Variants in ITGA9 observed in about 807,000 individuals in gnomAD.
The protein encoded by ITGA9 is integrin alpha-9.
ITGA9 carries 56 observed loss-of-function variants against 127.8 expected under a neutral mutation model. The ratio of observed to expected loss-of-function variants is 0.44; its 90% CI spans 0.35 to 0.55. The LOEUF (loss-of-function observed/expected upper bound fraction) is 0.55. Ranked by LOEUF, ITGA9 falls within the 20% of genes least tolerant of loss-of-function variation. ITGA9 has a pLI of 0.00. For missense variants in ITGA9, 1,196 were observed against 1,347.1 expected (o/e 0.89, Z 1.76); for synonymous variants, 508 against 514.5 (o/e 0.99, Z 0.17).
At chr3:37,535,728 C>T (rs267552) in intron 14 of ITGA9, among the ~76,000 whole-genome samples, 67,454 of 152,094 alleles carry the variant, frequency 0.44, 17,386 homozygotes, top group East Asian at 0.81. Context: ...CATCCCTTTA[C>T]ACTCTAAGGG....
chr3:37,811,054 A>C (rs1479470991), intron 27 of ITGA9, among the ~76,000 whole-genome samples: 1 of 152,200 alleles, frequency 6.6e-6, no homozygotes, highest in Non-Finnish European at 1.5e-5. Flanking sequence ...GCTCTGACAC[A>C]AAATCCACAA....
At chr3:37,505,456 C>T (rs762456545) in intron 6 of ITGA9, among the ~76,000 whole-genome samples, 20 of 152,178 alleles carry the variant, frequency 1.3e-4, no homozygotes, top group Non-Finnish European at 2.5e-4. Context: ...CTGTACTCAA[C>T]GATGTGGATG....
In ITGA9 at chr3:37,629,351, G is replaced by C; in HGVS notation, c.1839+15G>C. 1 of 1,613,764 alleles carries C rather than the reference G, an allele frequency of 6.2e-7. No homozygotes were observed. The highest frequency in any genetic ancestry group is 8.5e-7 in the Non-Finnish European group (1 of 1,179,880). ...AAAAGAATCAGGTCAGAACCTTAAA[G>C]CTCATACTCAGCACCCAAGGTGGCA... On this transcript the variant is annotated intron_variant, in intron 16 of 27. Coordinates refer to ENST00000264741, the MANE Select transcript of ITGA9 (RefSeq NM_002207.3). The surrounding 1 kb of genome is among the most constrained non-coding windows in gnomAD (Gnocchi z 4.5).
Position 37,629,110 on chromosome 3 carries a change from T to C in ITGA9, c.1690-77T>C. On this transcript the variant is annotated intron_variant, in intron 15 of 27. Coordinates refer to ENST00000264741, the MANE Select transcript of ITGA9 (RefSeq NM_002207.3). The surrounding 1 kb of genome is among the most constrained non-coding windows in gnomAD (Gnocchi z 4.5). ...TATATGAGGCAATTCATGTAGAAGG[T>C]CTTTGTAAACTGTGAAATGCTCTAC... is the stretch of plus-strand genomic sequence containing the variant. 1 of 1,532,914 alleles carries C rather than the reference T, an allele frequency of 6.5e-7. No homozygotes were observed. Among genetic ancestry groups the C allele is most frequent in the Non-Finnish European group, 9.0e-7 (1 of 1,108,234 alleles). The allele number at this position is 1,532,914 out of a possible 1,614,324, so 95.0% of individuals were successfully genotyped here. A position where few individuals can be genotyped will look rare whatever the true frequency, so the allele number is the denominator to read the frequency against.
intron 15 of ITGA9, among the ~76,000 whole-genome samples, chr3:37,606,720 G>A (rs1020990000): frequency 6.6e-5 from 10 of 152,232 alleles, no homozygotes; most frequent in African/African-American, 2.2e-4. Context: ...GGGGTCATTA[G>A]AAGGCTGTCC....
chr3:37,553,822 C>T (rs893601522), intron 15 of ITGA9, among the ~76,000 whole-genome samples: 15 of 152,190 alleles, frequency 9.9e-5, no homozygotes, highest in African/African-American at 3.6e-4. Context: ...GAGAATAAAA[C>T]ATAATATCTT....
At chr3:37,595,518 C>T (rs536113704) in intron 15 of ITGA9, among the ~76,000 whole-genome samples, 2 of 152,334 alleles carry the variant, frequency 1.3e-5, no homozygotes, top group African/African-American at 4.8e-5. Flanking sequence ...ACAGCATAAA[C>T]ACTGCAAAAC....
chr3:37,740,288 G>A (rs1399971957), intron 20 of ITGA9, among the ~76,000 whole-genome samples: 8 of 152,124 alleles, frequency 5.3e-5, no homozygotes, highest in Non-Finnish European at 8.8e-5. Context: ...GCCTCAGCAG[G>A]TCTAGGGGAC....
At chr3:37,752,771 A>C (rs1017570270) in intron 23 of ITGA9, among the ~76,000 whole-genome samples, 1 of 152,122 alleles carries the variant, frequency 6.6e-6, no homozygotes, top group Admixed American at 6.5e-5. Flanking sequence ...TCTAGCTTTC[A>C]CCAAAGAGTC....
At chr3:37,766,073 G>C (rs1696776918) in intron 23 of ITGA9, among the ~76,000 whole-genome samples, 1 of 152,224 alleles carries the variant, frequency 6.6e-6, no homozygotes, top group Non-Finnish European at 1.5e-5. Flanking sequence ...AGGGGTGATG[G>C]GTTGTTACCA....
chr3:37,790,372 A>G (rs747498279), intron 26 of ITGA9: 34 of 503,028 alleles, frequency 6.8e-5, no homozygotes, highest in Non-Finnish European at 1.3e-4. Flanking sequence ...AGAGGGCTTC[A>G]TCTTGCTGAT....
chr3:37,503,404 GT>G, intron 6 of ITGA9, 97 bp downstream of exon 6: 1 of 1,435,178 alleles, frequency 7.0e-7, no homozygotes, highest in Non-Finnish European at 9.6e-7. Flanking sequence ...AGAGGAGTTA[GT>G]TGGCTTTGAC....
At chr3:37,695,329 T>C (rs1362724767) in intron 18 of ITGA9, among the ~76,000 whole-genome samples, 2 of 152,074 alleles carry the variant, frequency 1.3e-5, no homozygotes, top group Admixed American at 6.5e-5. Flanking sequence ...CCAAGGAGCA[T>C]TGGGTGGGGC....
At chr3:37,470,720 C>G (rs1698421358) in intron 1 of ITGA9, among the ~76,000 whole-genome samples, 2 of 152,008 alleles carry the variant, frequency 1.3e-5, no homozygotes, top group Non-Finnish European at 2.9e-5. Context: ...CCCAGGCTGG[C>G]CTGGAATTCC....
In ITGA9 at chr3:37,777,421, C is replaced by A. The variant is rs140980106; in HGVS notation, c.2571C>A (p.Phe857Leu). ...VVGQEKGNCS[F>L]QKNPTPCIIP... Reference sequence around the variant, plus strand: ...GCCAAGAGAAGGGAAACTGCTCTTTCCAGAAAAACCCAACTCCCTGCATCA... The same window carrying A: ...GCCAAGAGAAGGGAAACTGCTCTTTACAGAAAAACCCAACTCCCTGCATCA... Residue 857 changes from phenylalanine (F) to leucine (L), a missense_variant, in exon 24 of 28, where the codon TTC becomes TTA. By Grantham distance (22) the Phe-to-Leu change is conservative. Coordinates refer to ENST00000264741, the MANE Select transcript of ITGA9 (RefSeq NM_002207.3). 185 of 1,614,104 alleles carry A rather than the reference C, an allele frequency of 1.1e-4. No homozygotes were observed. The African/African-American group carries it at 1.5e-3, about 13-fold the overall frequency.
At chr3:37,745,794 G>A (rs1225975140) in intron 22 of ITGA9, 2 of 152,172 alleles carry the variant, frequency 1.3e-5, no homozygotes, top group African/African-American at 2.4e-5. Flanking sequence ...TTTAAAGTTT[G>A]GTATTCAGGC....
chr3:37,630,809 T>C (rs540086392), intron 16 of ITGA9, among the ~76,000 whole-genome samples: 13 of 152,308 alleles, frequency 8.5e-5, no homozygotes, highest in African/African-American at 2.2e-4. Context: ...CCACTGGCCA[T>C]TGATACTTGG....
chr3:37,707,042 A>G (rs1173484595), intron 18 of ITGA9, among the ~76,000 whole-genome samples: 1 of 152,222 alleles, frequency 6.6e-6, no homozygotes, highest in Non-Finnish European at 1.5e-5. Flanking sequence ...CATTAAATCT[A>G]AAAATGTCTA....
Position 37,732,647 on chromosome 3 carries a change from G to A in ITGA9, c.2068-65G>A, listed in dbSNP as rs76396693. On this transcript the variant is annotated intron_variant, in intron 18 of 27. Coordinates refer to ENST00000264741, the MANE Select transcript of ITGA9 (RefSeq NM_002207.3). The stretch of plus-strand genomic sequence containing the variant: ...GCTCTGAAGGACTCGATTGCCCCGT[G>A]GAGCCTGCTCCCACACACCTGCCTT... The A allele has an allele frequency of 2.4e-3, 3,030 of 1,244,030 alleles. 36 individuals are homozygous for A. In the African/African-American group the frequency reaches 0.032, roughly 13 times the overall value. The allele number at this position is 1,244,030 out of a possible 1,614,324, so 77.1% of individuals were successfully genotyped here.
Sources: allele counts gnomAD v4.1 joint callset (sites outside exome capture counted in the v4.1 genomes callset), GRCh38; gene constraint gnomAD v4.1.1; non-coding constraint Gnocchi (gnomAD v3.1); transcripts MANE v1.5; gene names NCBI Gene and HGNC (gene_info 2026-07-23, HGNC 2026-07-21).